Variants in RPS6KA6 observed in about 807,000 individuals in gnomAD.
RPS6KA6 encodes ribosomal protein S6 kinase A6, also known as ribosomal protein S6 kinase alpha-6.
Under a neutral mutation model 65.4 loss-of-function variants are expected in RPS6KA6, and 27 were observed. The ratio of observed to expected loss-of-function variants is 0.41; its 90% CI spans 0.30 to 0.57. RPS6KA6 has a LOEUF of 0.57. Among genes scored for constraint, RPS6KA6 ranks in the 20% least tolerant of loss-of-function variants. The pLI is 0.24. For missense variants in RPS6KA6, 486 were observed against 555.6 expected, an observed-to-expected ratio of 0.87 and a Z score of 1.26; for synonymous variants, 190 against 184.2, an observed-to-expected ratio of 1.03 and a Z score of -0.26.
At chrX:84,079,384 G>A (rs944305847) in intron 20 of RPS6KA6, among the ~76,000 whole-genome samples, 4 of 110,656 alleles carry the variant, frequency 3.6e-5, no homozygotes, top group African/African-American at 1.3e-4. Flanking sequence ...ACAAAACTGG[G>A]CAGCCGTTTT....
chrX:84,059,016 T>C lies in RPS6KA6; in HGVS notation c.*5261A>G, dbSNP rs4509484. 2.8e-5 allele frequency: 3 copies of C among 107,335 alleles called. No homozygotes were observed. Among genetic ancestry groups the C allele is most frequent in the Non-Finnish European group, 5.8e-5 (3 of 52,026 alleles). The allele number at this position is 107,335 out of a possible 1,213,427, so 8.8% of individuals were successfully genotyped here. ...AACCACCTTCTCCTTTTTTTTGTAC[T>C]ATGGAATTTAATGCAAGATAAATTC... On this transcript the variant is annotated 3_prime_UTR_variant, in exon 22 of 22. Transcript: ENST00000262752.
intron 16 of RPS6KA6, among the ~76,000 whole-genome samples, chrX:84,105,422 C>T (rs2147429845): frequency 9.0e-6 from 1 of 111,366 alleles, no homozygotes; most frequent in African/African-American, 3.2e-5. Flanking sequence ...AATTACTATA[C>T]AATCAAGAAA....
chrX:84,157,246 G>T (rs1292552295), intron 2 of RPS6KA6, among the ~76,000 whole-genome samples: 1 of 111,257 alleles, frequency 9.0e-6, no homozygotes, highest in African/African-American at 3.3e-5. Flanking sequence ...CCTAGGCAAA[G>T]AAATTTTAAT....
At chrX:84,162,351 T>C (rs1233201590) in intron 2 of RPS6KA6, among the ~76,000 whole-genome samples, 1 of 111,655 alleles carries the variant, frequency 9.0e-6, no homozygotes, top group Non-Finnish European at 1.9e-5. Flanking sequence ...TGTAGTTTTA[T>C]TGACACAAAT....
At chrX:84,109,276 T>C (rs186762184) in intron 12 of RPS6KA6, among the ~76,000 whole-genome samples, 104 of 111,885 alleles carry the variant, frequency 9.3e-4, no homozygotes, top group African/African-American at 3.3e-3. Flanking sequence ...ATTTCACCTG[T>C]TACCTGGAGG....
chrX:84,091,014 CTAA>C (rs2147387203), intron 20 of RPS6KA6, among the ~76,000 whole-genome samples: 1 of 111,825 alleles, frequency 8.9e-6, no homozygotes, highest in South Asian at 3.7e-4. Flanking sequence ...GAAAAGAGTA[CTAA>C]ACTGAAAATC....
At chrX:84,158,514 A>C (rs1417197796) in intron 2 of RPS6KA6, among the ~76,000 whole-genome samples, 1 of 111,126 alleles carries the variant, frequency 9.0e-6, no homozygotes, top group African/African-American at 3.3e-5. Context: ...TCAGCTTTGA[A>C]TATAACCAAC....
chrX:84,117,014 CA>C, intron 11 of RPS6KA6, 45 bp downstream of exon 11: 1 of 817,084 alleles, frequency 1.2e-6, no homozygotes, highest in Non-Finnish European at 1.8e-6. Context: ...ATTATCCTCC[CA>C]AAACATGCAG....
intron 3 of RPS6KA6, among the ~76,000 whole-genome samples, chrX:84,152,110 T>G (rs1254717256): frequency 3.6e-5 from 4 of 111,417 alleles, no homozygotes; most frequent in Non-Finnish European, 7.6e-5. Context: ...TTTCCCCTAG[T>G]TCTTCTAATA....
At chrX:84,064,497 A>G (rs2147315245) in intron 21 of RPS6KA6, 95 bp from the exon 22 acceptor site, 1 of 812,586 alleles carries the variant, frequency 1.2e-6, no homozygotes, top group South Asian at 3.4e-5. Flanking sequence ...TATATCTAGA[A>G]CAAAATGTTT....
chrX:84,174,542 G>A (rs1026767387), intron 1 of RPS6KA6, among the ~76,000 whole-genome samples: 4 of 112,022 alleles, frequency 3.6e-5, no homozygotes, highest in African/African-American at 9.7e-5. Flanking sequence ...TGTAAAAGCA[G>A]TTAGCTGGTA....
chrX:84,064,772 C>A (rs1255605363), intron 21 of RPS6KA6, among the ~76,000 whole-genome samples, 199 bp downstream of exon 21: 2 of 111,215 alleles, frequency 1.8e-5, no homozygotes, highest in African/African-American at 6.5e-5. Context: ...CAGGTACAAT[C>A]AAGAAATTTT....
chrX:84,069,751 G>T (rs758692731), intron 20 of RPS6KA6, among the ~76,000 whole-genome samples: 1 of 111,768 alleles, frequency 8.9e-6, no homozygotes, highest in Admixed American at 9.4e-5. Context: ...GTGGGCAAAG[G>T]ATATGAACAG....
chrX:84,074,198 C>T (rs1357827378), intron 20 of RPS6KA6, among the ~76,000 whole-genome samples: 1 of 112,059 alleles, frequency 8.9e-6, no homozygotes. Context: ...AAAAGAAATG[C>T]TGTCATTTGT....
Position 84,147,046 on chromosome X carries a change from A to T in RPS6KA6, c.353T>A (p.Val118Asp). The T allele has an allele frequency of 8.6e-7, 1 of 1,167,320 alleles. No homozygotes were observed. The highest frequency in any genetic ancestry group is 1.2e-6 in the Non-Finnish European group (1 of 861,797). ...TATATCCCTCTCCATCTTTGTCCGAACTCTGTCTCGAACTAAAAATTACAT... is the reference window on the plus strand; with the variant it reads ...TATATCCCTCTCCATCTTTGTCCGATCTCTGTCTCGAACTAAAAATTACAT... ...KKASLKVRDR[V>D]RTKMERDILV... Residue 118 changes from valine to aspartate, a missense_variant, in exon 5 of 22, where the codon GTT becomes GAT. Val to Asp is a radical substitution (Grantham distance 152). This residue lies in a region of RPS6KA6 where 106 missense variants were observed against 105.0 expected (regional missense o/e 1.01). Transcript: ENST00000262752.
intron 12 of RPS6KA6, among the ~76,000 whole-genome samples, chrX:84,111,578 A>G (rs910364116): frequency 8.9e-6 from 1 of 111,850 alleles, no homozygotes; most frequent in Non-Finnish European, 1.9e-5. Context: ...TTTTATATCC[A>G]GCCAAAATAA....
In RPS6KA6 at chrX:84,105,105, C is replaced by T. The variant is rs142525692; in HGVS notation, c.1456-448G>A. ...GGTATCTTAAATACTGGTTGAATTC[C>T]AATAGTATACCAAGGAAAACAAATA... On this transcript the variant is annotated intron_variant, in intron 16 of 21. Coordinates refer to ENST00000262752, the MANE Select transcript of RPS6KA6 (RefSeq NM_014496.5). Among the ~76,000 whole-genome samples the T allele has an allele frequency of 1.8e-3, 199 of 110,006 alleles. 1 individual carries two copies. Among genetic ancestry groups the T allele is most frequent in the African/African-American group, 6.4e-3 (195 of 30,412 alleles).
At chrX:84,078,341 T>A (rs926487985) in intron 20 of RPS6KA6, among the ~76,000 whole-genome samples, 4 of 112,156 alleles carry the variant, frequency 3.6e-5, no homozygotes, top group African/African-American at 1.3e-4. Flanking sequence ...AAAATTTTCA[T>A]ATGCTAATGG....
chrX:84,088,516 G>A (rs2033976694), intron 20 of RPS6KA6, among the ~76,000 whole-genome samples: 1 of 111,699 alleles, frequency 9.0e-6, no homozygotes, highest in African/African-American at 3.3e-5. Flanking sequence ...TCTGTCCCAG[G>A]GGGATACTGA....
Sources: gnomAD v4.1 joint callset for allele counts (sites outside exome capture counted in the v4.1 genomes callset) on GRCh38, gnomAD v4.1.1 for gene constraint, gnomAD v4.1.1 regional missense constraint, MANE v1.5 for transcripts, NCBI Gene and HGNC (gene_info 2026-07-23, HGNC 2026-07-21) for gene names.